FRMPD2: variants seen among roughly 807,000 people sequenced by gnomAD.
The protein encoded by FRMPD2 is FERM and PDZ domain-containing protein 2.
Under a neutral mutation model 140.1 loss-of-function variants are expected in FRMPD2, and 96 were observed. The ratio of observed to expected loss-of-function variants is 0.69; its 90% CI spans 0.58 to 0.81. The LOEUF is 0.81. Among genes scored for constraint, FRMPD2 ranks in the 40% least tolerant of loss-of-function variants. The pLI is 0.00. For missense variants in FRMPD2, 1,240 were observed against 1,447.4 expected (o/e 0.86, Z 2.32); for synonymous variants, 449 against 547.6 (o/e 0.82, Z 2.52).
rs952194232 is a variant in FRMPD2 at position 48,206,738 on chromosome 10, C to T, written c.1797+10G>A. The T allele has an allele frequency of 6.2e-6, 10 of 1,609,754 alleles. No homozygotes were observed. In the Admixed American group the frequency reaches 1.5e-4, roughly 24 times the overall value. ...AAGTGCAGGTTATTTATCAACTGAG[C>T]TACACTCACATAAGTAGAAATCTTC... is the stretch of plus-strand genomic sequence containing the variant. On this transcript the variant is annotated intron_variant, in intron 14 of 28. Coordinates refer to ENST00000374201, the MANE Select transcript of FRMPD2 (RefSeq NM_001018071.4).
chr10:48,258,307 C>T (rs139114510), intron 1 of FRMPD2, among the ~76,000 whole-genome samples: 3 of 152,350 alleles, frequency 2.0e-5, no homozygotes, highest in African/African-American at 7.2e-5. Flanking sequence ...TTCTGGAATT[C>T]TCTCACAGTC....
At chr10:48,257,697 G>C (rs1402432993) in intron 1 of FRMPD2, among the ~76,000 whole-genome samples, 1 of 152,094 alleles carries the variant, frequency 6.6e-6, no homozygotes, top group Non-Finnish European at 1.5e-5. Context: ...TGAATTCTTA[G>C]CTCCTTGACC....
chr10:48,260,169 A>G (rs529168057), intron 1 of FRMPD2, among the ~76,000 whole-genome samples: 2 of 152,170 alleles, frequency 1.3e-5, no homozygotes, highest in Admixed American at 6.5e-5. Flanking sequence ...ATTGATAGAT[A>G]GATAGATCTA....
chr10:48,221,640 TTGA>T (rs1839588519), intron 12 of FRMPD2, among the ~76,000 whole-genome samples: 1 of 152,186 alleles, frequency 6.6e-6, no homozygotes, highest in Admixed American at 6.5e-5. Context: ...GCTATTACTA[TTGA>T]TGATGGTGAT....
chr10:48,213,746 T>A (rs1839383976), intron 12 of FRMPD2, among the ~76,000 whole-genome samples: 1 of 152,192 alleles, frequency 6.6e-6, no homozygotes, highest in South Asian at 2.1e-4. Flanking sequence ...TACTGTATGA[T>A]CATAACTATA....
Position 48,274,651 on chromosome 10 carries a change from G to T in FRMPD2, c.-84C>A. On this transcript the variant is annotated 5_prime_UTR_variant, in exon 1 of 29. Transcript: ENST00000374201. ...GCAGGGGTCTCTTGCAAGTCTGTCC[G>T]CGGAGCTCCCTGCCACCAGCACTGT... 1 of 1,315,032 alleles carries T rather than the reference G, an allele frequency of 7.6e-7. No individual in the cohort carries two copies. Among genetic ancestry groups the T allele is most frequent in the Non-Finnish European group, 1.1e-6 (1 of 915,752 alleles). The allele number at this position is 1,315,032 out of a possible 1,614,324, so 81.5% of individuals were successfully genotyped here. A position where few individuals can be genotyped will look rare whatever the true frequency, so the allele number is the denominator to read the frequency against.
intron 16 of FRMPD2, 88 bp from the exon 17 acceptor site, chr10:48,187,380 T>G: frequency 9.1e-7 from 1 of 1,095,092 alleles, no homozygotes; most frequent in Non-Finnish European, 1.4e-6. Context: ...AGGCAACTTC[T>G]TGGCATTTCT....
At chr10:48,240,167 C>A (rs1840070788) in intron 6 of FRMPD2, among the ~76,000 whole-genome samples, 193 bp downstream of exon 6, 1 of 152,124 alleles carries the variant, frequency 6.6e-6, no homozygotes, top group South Asian at 2.1e-4. Flanking sequence ...GTGTTGTGTC[C>A]CCAAATAAGA....
chr10:48,183,641 A>G (rs1281154329), intron 20 of FRMPD2, among the ~76,000 whole-genome samples: 1 of 151,990 alleles, frequency 6.6e-6, no homozygotes, highest in East Asian at 1.9e-4. Flanking sequence ...ACTTGAGTTC[A>G]GGAGTTCCAG....
At chr10:48,227,893 A>G (rs1839762522) in intron 10 of FRMPD2, among the ~76,000 whole-genome samples, 1 of 152,210 alleles carries the variant, frequency 6.6e-6, no homozygotes. Flanking sequence ...TTCAATTAAA[A>G]TAGTCATGTT....
chr10:48,172,673 A>C (rs1296836966), intron 25 of FRMPD2, among the ~76,000 whole-genome samples: 2 of 151,702 alleles, frequency 1.3e-5, no homozygotes, highest in African/African-American at 4.8e-5. Flanking sequence ...TCACACAAAC[A>C]TTAACATTCT....
At chr10:48,221,390 A>G (rs927623701) in intron 12 of FRMPD2, among the ~76,000 whole-genome samples, 1 of 152,184 alleles carries the variant, frequency 6.6e-6, no homozygotes, top group Admixed American at 6.5e-5. Flanking sequence ...AAGCTATGAG[A>G]ATGCGAAAAC....
intron 24 of FRMPD2, among the ~76,000 whole-genome samples, chr10:48,174,574 A>G (rs1838355935): frequency 6.6e-6 from 1 of 151,258 alleles, no homozygotes; most frequent in South Asian, 2.1e-4. Flanking sequence ...TCTTCACTCC[A>G]TCTTCTCCAT....
chr10:48,218,031 C>A (rs1451030520), intron 12 of FRMPD2, among the ~76,000 whole-genome samples: 1 of 152,178 alleles, frequency 6.6e-6, no homozygotes, highest in Non-Finnish European at 1.5e-5. Context: ...AAGGCTTCTG[C>A]AGGTTTGGTT....
intron 27 of FRMPD2, among the ~76,000 whole-genome samples, chr10:48,168,159 A>C (rs1194971609): frequency 7.1e-6 from 1 of 141,032 alleles, no homozygotes; most frequent in African/African-American, 3.0e-5. Flanking sequence ...TATTTTCCTG[A>C]TTCCAATGGC....
chr10:48,262,532 T>A (rs1485004837), intron 1 of FRMPD2, among the ~76,000 whole-genome samples: 1 of 152,126 alleles, frequency 6.6e-6, no homozygotes, highest in Non-Finnish European at 1.5e-5. Context: ...ATAAACAATC[T>A]ACTATTATAC....
intron 12 of FRMPD2, among the ~76,000 whole-genome samples, chr10:48,214,503 G>A (rs1839402252): frequency 6.6e-6 from 1 of 152,164 alleles, no homozygotes; most frequent in Non-Finnish European, 1.5e-5. Context: ...TATGGTGTCT[G>A]TAGGAGAAGG....
intron 9 of FRMPD2, among the ~76,000 whole-genome samples, chr10:48,235,513 A>G (rs1226782110): frequency 6.6e-6 from 1 of 152,168 alleles, no homozygotes; most frequent in African/African-American, 2.4e-5. Flanking sequence ...ATTTTGCTGG[A>G]GTGAGCCAGA....
At chr10:48,259,149 A>C (rs1420737667) in intron 1 of FRMPD2, among the ~76,000 whole-genome samples, 1 of 152,220 alleles carries the variant, frequency 6.6e-6, no homozygotes, top group Non-Finnish European at 1.5e-5. Flanking sequence ...ATGTGACCGC[A>C]GTGTGTATTA....
Sources: allele counts gnomAD v4.1 joint callset (sites outside exome capture counted in the v4.1 genomes callset), GRCh38; gene constraint gnomAD v4.1.1; transcripts MANE v1.5; gene names NCBI Gene and HGNC (gene_info 2026-07-23, HGNC 2026-07-21).